CTBP2: variants seen among roughly 807,000 people sequenced by gnomAD.
CTBP2 encodes C-terminal binding protein 2, also known as C-terminal-binding protein 2.
CTBP2 carries 30 observed loss-of-function variants against 80.3 expected under a neutral mutation model. The ratio of observed to expected loss-of-function variants is 0.37; its 90% CI spans 0.28 to 0.51. The LOEUF (loss-of-function observed/expected upper bound fraction) is 0.51, where lower values mean the gene tolerates loss of function less well. Ranked by LOEUF, CTBP2 falls within the 20% of genes least tolerant of loss-of-function variation. The pLI, the probability that CTBP2 is intolerant of heterozygous loss-of-function variation, is 0.93. For missense variants in CTBP2, 1,212 were observed against 1,375.3 expected (o/e 0.88, Z 1.88); for synonymous variants, 594 against 587.4 (o/e 1.01, Z -0.16).
chr10:125,058,439 G>A (rs763584165), intron 2 of CTBP2, among the ~76,000 whole-genome samples: 13 of 152,184 alleles, frequency 8.5e-5, no homozygotes, highest in Admixed American at 7.9e-4. Context: ...CCAAGGATCT[G>A]GAGGACGGTG....
At chr10:125,094,663 T>C (rs1013374725) in intron 2 of CTBP2, among the ~76,000 whole-genome samples, 3 of 151,940 alleles carry the variant, frequency 2.0e-5, no homozygotes, top group Non-Finnish European at 2.9e-5. Flanking sequence ...GAGGCAACAC[T>C]GGCATCGGGT....
chr10:125,079,142 G>C (rs1846775910), intron 2 of CTBP2, among the ~76,000 whole-genome samples: 1 of 105,104 alleles, frequency 9.5e-6, no homozygotes, highest in Non-Finnish European at 1.7e-5. Flanking sequence ...GTGAGACCTT[G>C]TCTCGAGGAA....
At chr10:125,117,829 C>T (rs1853593510) in intron 1 of CTBP2, among the ~76,000 whole-genome samples, 1 of 152,298 alleles carries the variant, frequency 6.6e-6, no homozygotes, top group African/African-American at 2.4e-5. Context: ...TAATTCTTTC[C>T]ATGTCCCTAT....
At chr10:125,075,329 G>A in intron 2 of CTBP2, among the ~76,000 whole-genome samples, 1 of 152,160 alleles carries the variant, frequency 6.6e-6, no homozygotes, top group East Asian at 1.9e-4. Context: ...GGGCGTTAAT[G>A]AGGTGATTAG....
Position 124,997,959 on chromosome 10 carries a change from C to A in CTBP2, c.2185+5G>T. On this transcript the variant is annotated splice_donor_5th_base_variant and intron_variant, in intron 4 of 8. Transcript: ENST00000309035. ...TTGGGGGTCAGCGCAGAGGGTGGCACGTACCAAAGCCAATGAGGCCCAGCG... is the reference window on the plus strand; with the variant it reads ...TTGGGGGTCAGCGCAGAGGGTGGCAAGTACCAAAGCCAATGAGGCCCAGCG... The A allele has an allele frequency of 6.2e-7, 1 of 1,610,488 alleles. No individual in the cohort carries two copies. The highest frequency in any genetic ancestry group is 8.5e-7 in the Non-Finnish European group (1 of 1,179,154).
intron 3 of CTBP2, among the ~76,000 whole-genome samples, chr10:125,033,330 G>A (rs1017931226): frequency 6.6e-6 from 1 of 152,200 alleles, no homozygotes; most frequent in Non-Finnish European, 1.5e-5. Context: ...GGCACGTGAG[G>A]TCACTCTGTA....
intron 1 of CTBP2, among the ~76,000 whole-genome samples, chr10:125,016,775 TCTAA>T (rs1326860105): frequency 2.0e-5 from 3 of 152,206 alleles, no homozygotes; most frequent in African/African-American, 4.8e-5. Flanking sequence ...TTCTTTCTTC[TCTAA>T]CTTTTTCTTA....
At chr10:125,047,425 A>T (rs1260017715) in intron 2 of CTBP2, among the ~76,000 whole-genome samples, 1 of 152,270 alleles carries the variant, frequency 6.6e-6, no homozygotes, top group African/African-American at 2.4e-5. Context: ...TGTGCAAGAA[A>T]TGATTCCAGA....
Position 125,027,779 on chromosome 10 carries a change from G to A in CTBP2, c.-20C>T. 1 of 1,530,322 alleles carries A rather than the reference G, an allele frequency of 6.5e-7. No homozygotes were observed. Among genetic ancestry groups the A allele is most frequent in the Non-Finnish European group, 8.8e-7 (1 of 1,138,732 alleles). The allele number at this position is 1,530,322 out of a possible 1,614,324, so 94.8% of individuals were successfully genotyped here. On this transcript the variant is annotated 5_prime_UTR_variant, in exon 1 of 9. Transcript: ENST00000309035. ...TGGCATTGGAAAAAAAATGACTGCGGATGAGGCAGAGGAGAAGCTTTTCTT... is the reference window on the plus strand; with the variant it reads ...TGGCATTGGAAAAAAAATGACTGCGAATGAGGCAGAGGAGAAGCTTTTCTT...
At chr10:125,098,627 C>T (rs1404888621) in intron 2 of CTBP2, among the ~76,000 whole-genome samples, 2 of 113,588 alleles carry the variant, frequency 1.8e-5, no homozygotes, top group African/African-American at 6.5e-5. Context: ...GGGGCTGCTG[C>T]GGGTGAACAG....
intron 1 of CTBP2, among the ~76,000 whole-genome samples, chr10:125,119,401 A>G (rs116104553): frequency 6.9e-4 from 105 of 152,334 alleles, no homozygotes; most frequent in African/African-American, 2.4e-3. Flanking sequence ...GAATCCTTAG[A>G]AAAGTGGTCA....
At chr10:125,135,802 C>T (rs1210707721) in intron 1 of CTBP2, among the ~76,000 whole-genome samples, 1 of 152,212 alleles carries the variant, frequency 6.6e-6, no homozygotes. Flanking sequence ...CCCTGTGCTG[C>T]TCTCCTGCCT....
intron 2 of CTBP2, among the ~76,000 whole-genome samples, chr10:125,051,349 A>G (rs1962703948): frequency 6.6e-6 from 1 of 152,176 alleles, no homozygotes; most frequent in Admixed American, 6.5e-5. Flanking sequence ...CAATTAAAAT[A>G]CCTTTTCAGG....
chr10:125,120,664 G>C (rs977110921), intron 1 of CTBP2, among the ~76,000 whole-genome samples: 1 of 152,178 alleles, frequency 6.6e-6, no homozygotes, highest in African/African-American at 2.4e-5. Context: ...TGGGATTACA[G>C]TTGTGAGCCA....
intron 2 of CTBP2, among the ~76,000 whole-genome samples, chr10:125,047,704 A>G (rs1961619098): frequency 6.6e-6 from 1 of 152,240 alleles, no homozygotes. Flanking sequence ...ATATTATAGA[A>G]CACTGTGTTA....
chr10:125,135,113 T>C (rs953259178), intron 1 of CTBP2, among the ~76,000 whole-genome samples: 8 of 151,966 alleles, frequency 5.3e-5, no homozygotes, highest in South Asian at 2.1e-4. Context: ...TTGATCCAGG[T>C]ATCACTGTTA....
chr10:125,156,921 G>T (rs920877508), intron 1 of CTBP2, among the ~76,000 whole-genome samples: 1 of 152,142 alleles, frequency 6.6e-6, no homozygotes, highest in Non-Finnish European at 1.5e-5. Flanking sequence ...AAGTTTTACC[G>T]TTTCATCTTG....
At chr10:125,036,561 T>C (rs1388512898) in intron 3 of CTBP2, among the ~76,000 whole-genome samples, 1 of 150,504 alleles carries the variant, frequency 6.6e-6, no homozygotes, top group Non-Finnish European at 1.5e-5. Flanking sequence ...GTGTAGGCAG[T>C]GGGGAGGGAG....
At chr10:125,023,504 G>A (rs1426296371) in intron 1 of CTBP2, among the ~76,000 whole-genome samples, 2 of 152,176 alleles carry the variant, frequency 1.3e-5, no homozygotes, top group African/African-American at 4.8e-5. Flanking sequence ...GGAGGGCTCC[G>A]CGACTTGTGC....
Sources: gnomAD v4.1 joint callset for allele counts (sites outside exome capture counted in the v4.1 genomes callset) on GRCh38, gnomAD v4.1.1 for gene constraint, MANE v1.5 for transcripts, NCBI Gene and HGNC (gene_info 2026-07-23, HGNC 2026-07-21) for gene names.